PTPRK: variants seen among roughly 807,000 people sequenced by gnomAD.
PTPRK encodes the protein protein tyrosine phosphatase receptor type K.
In PTPRK, 75 loss-of-function variants were observed where a neutral mutation model predicts 178.0. The ratio of observed to expected loss-of-function variants is 0.42; its 90% confidence interval spans 0.35 to 0.51. The LOEUF (loss-of-function observed/expected upper bound fraction) is 0.51. Ranked by LOEUF, PTPRK falls within the 20% of genes least tolerant of loss-of-function variation. PTPRK has a pLI of 0.02. For missense variants in PTPRK, 1,441 were observed against 1,797.8 expected (o/e 0.80, Z 3.59); for synonymous variants, 637 against 620.6 (o/e 1.03, Z -0.39).
At chr6:128,139,205 AG>A (rs1266561260) in intron 7 of PTPRK, among the ~76,000 whole-genome samples, 3 of 152,100 alleles carry the variant, frequency 2.0e-5, no homozygotes, top group Non-Finnish European at 4.4e-5. Context: ...AACATTATGG[AG>A]AACATTGGAT....
At chr6:128,510,675 A>C (rs1857042460) in intron 1 of PTPRK, among the ~76,000 whole-genome samples, 1 of 152,210 alleles carries the variant, frequency 6.6e-6, no homozygotes, top group African/African-American at 2.4e-5. Flanking sequence ...AAAACCAAGC[A>C]GTTATCTAAG....
At chr6:128,441,185 G>T (rs1298072185) in intron 1 of PTPRK, among the ~76,000 whole-genome samples, 2 of 152,116 alleles carry the variant, frequency 1.3e-5, no homozygotes, top group Admixed American at 1.3e-4. Context: ...TCTGCTTAAA[G>T]GTTTATATTT....
intron 13 of PTPRK, among the ~76,000 whole-genome samples, chr6:128,017,531 C>T (rs1779713551): frequency 6.6e-6 from 1 of 151,310 alleles, no homozygotes; most frequent in African/African-American, 2.4e-5. Flanking sequence ...GTGTCTCAGA[C>T]CTCAGACCAC....
intron 13 of PTPRK, among the ~76,000 whole-genome samples, chr6:128,012,556 T>A (rs377567705): frequency 8.6e-5 from 13 of 151,274 alleles, no homozygotes; most frequent in African/African-American, 3.1e-4. Context: ...GAATCCCCAG[T>A]GTTCAGAAGC....
intron 3 of PTPRK, among the ~76,000 whole-genome samples, chr6:128,312,897 A>G (rs1386313801): frequency 6.6e-6 from 1 of 152,104 alleles, no homozygotes; most frequent in African/African-American, 2.4e-5. Flanking sequence ...GCCTCATCCA[A>G]TCAATTCTTG....
intron 1 of PTPRK, among the ~76,000 whole-genome samples, chr6:128,447,057 C>T (rs1847123908): frequency 6.6e-6 from 1 of 152,142 alleles, no homozygotes; most frequent in East Asian, 1.9e-4. Context: ...TAGCACAGTG[C>T]TTTGCACATG....
intron 13 of PTPRK, among the ~76,000 whole-genome samples, chr6:128,017,704 T>G (rs1779732422): frequency 6.8e-6 from 1 of 146,634 alleles, no homozygotes; most frequent in Non-Finnish European, 1.5e-5. Flanking sequence ...TCACTCTCTC[T>G]CTCTCTCCTT....
At chr6:128,131,697 C>T (rs1482114207) in intron 7 of PTPRK, among the ~76,000 whole-genome samples, 2 of 152,090 alleles carry the variant, frequency 1.3e-5, no homozygotes, top group African/African-American at 2.4e-5. Context: ...TTTAAATTAA[C>T]GAGGCTCAGT....
At chr6:128,164,965 T>C (rs1355400897) in intron 7 of PTPRK, among the ~76,000 whole-genome samples, 2 of 151,360 alleles carry the variant, frequency 1.3e-5, no homozygotes, top group East Asian at 3.9e-4. Context: ...AAAGACCTCA[T>C]TGACTAAATG....
rs1174693961 is a variant in PTPRK at position 128,130,128 on chromosome 6, T to C, written c.1163-40136A>G. ...TGACAATACTGCAGACATTAAATAA[T>C]TGCTTAAGTCTAAACAGTAAGGTGC... is the stretch of plus-strand genomic sequence containing the variant. On this transcript the variant is annotated intron_variant, in intron 7 of 29. Transcript: ENST00000368226. Among the ~76,000 whole-genome samples the C allele has an allele frequency of 2.0e-5, 3 of 152,204 alleles. No homozygotes were observed. In the East Asian group the frequency reaches 5.8e-4, roughly 29 times the overall value.
At chr6:128,282,963 A>T (rs912610285) in intron 3 of PTPRK, among the ~76,000 whole-genome samples, 1 of 152,202 alleles carries the variant, frequency 6.6e-6, no homozygotes, top group African/African-American at 2.4e-5. Flanking sequence ...GAATAAGTAT[A>T]AAAAATATGA....
intron 5 of PTPRK, among the ~76,000 whole-genome samples, chr6:128,227,548 T>C (rs1811566666): frequency 6.6e-6 from 1 of 152,202 alleles, no homozygotes; most frequent in Non-Finnish European, 1.5e-5. Flanking sequence ...TAAAGTTTCC[T>C]GAACCCCACC....
intron 1 of PTPRK, among the ~76,000 whole-genome samples, chr6:128,420,004 C>A (rs561943068): frequency 3.9e-5 from 6 of 152,250 alleles, no homozygotes; most frequent in Non-Finnish European, 8.8e-5. Context: ...TACTAAAGCC[C>A]AATTAGCACC....
intron 1 of PTPRK, among the ~76,000 whole-genome samples, chr6:128,440,389 T>C (rs572500019): frequency 1.3e-5 from 2 of 152,328 alleles, no homozygotes; most frequent in East Asian, 3.9e-4. Context: ...TCAAAACTCT[T>C]TCCCCCGATT....
intron 2 of PTPRK, among the ~76,000 whole-genome samples, chr6:128,396,478 T>A (rs1336109780): frequency 6.6e-6 from 1 of 151,978 alleles, no homozygotes; most frequent in Admixed American, 6.6e-5. Flanking sequence ...CACAATTTAA[T>A]GTTATTGCTA....
chr6:128,240,293 T>C, intron 4 of PTPRK, 143 bp from the exon 5 acceptor site: 1 of 635,718 alleles, frequency 1.6e-6, no homozygotes, highest in South Asian at 2.0e-5. Flanking sequence ...GAGGGGCTTT[T>C]TTTGTGCCGG....
At chr6:128,075,790 A>G (rs1261440290) in intron 11 of PTPRK, among the ~76,000 whole-genome samples, 2 of 152,080 alleles carry the variant, frequency 1.3e-5, no homozygotes, top group Admixed American at 1.3e-4. Flanking sequence ...AGAGGACTGT[A>G]GAACTGGAGT....
At chr6:128,089,540 G>T in intron 8 of PTPRK, 150 bp downstream of exon 8, 1 of 824,058 alleles carries the variant, frequency 1.2e-6, no homozygotes. Context: ...TTTGTAAAAG[G>T]CAATTTTTTT....
At chr6:128,221,050 G>A (rs1810308178) in intron 5 of PTPRK, among the ~76,000 whole-genome samples, 1 of 152,022 alleles carries the variant, frequency 6.6e-6, no homozygotes, top group South Asian at 2.1e-4. Flanking sequence ...ATGTTTAAAT[G>A]TTAATTTAAA....
Sources: allele counts gnomAD v4.1 joint callset (sites outside exome capture counted in the v4.1 genomes callset), GRCh38; gene constraint gnomAD v4.1.1; transcripts MANE v1.5; gene names NCBI Gene and HGNC (gene_info 2026-07-23, HGNC 2026-07-21).